CUBN: variants seen among roughly 807,000 people sequenced by gnomAD.
CUBN encodes the protein 460 kDa receptor.
Under a neutral mutation model 405.3 loss-of-function variants are expected in CUBN, and 282 were observed. The observed-to-expected ratio is 0.70, with a 90% CI of 0.63 to 0.77. The LOEUF is 0.77. CUBN is among the 30% of genes least tolerant of loss of function. The pLI is 0.00. For missense variants in CUBN, 4,514 were observed against 4,475.2 expected (o/e 1.01, Z -0.25); for synonymous variants, 1,684 against 1,617.0 (o/e 1.04, Z -0.99).
At chr10:16,863,217 AG>A (rs1840067718) in intron 59 of CUBN, among the ~76,000 whole-genome samples, 1 of 152,256 alleles carries the variant, frequency 6.6e-6, no homozygotes, top group Non-Finnish European at 1.5e-5. Context: ...CCTTGTCTTT[AG>A]GATCATCCCC....
At chr10:17,128,921 A>G (rs1426914218) in intron 2 of CUBN, among the ~76,000 whole-genome samples, 200 bp downstream of exon 2, 1 of 152,240 alleles carries the variant, frequency 6.6e-6, no homozygotes, top group Non-Finnish European at 1.5e-5. Flanking sequence ...CTTAGCATGA[A>G]GAAAAGGTAA....
At chr10:16,908,481 A>T (rs1841620330) in intron 48 of CUBN, among the ~76,000 whole-genome samples, 1 of 152,228 alleles carries the variant, frequency 6.6e-6, no homozygotes, top group Non-Finnish European at 1.5e-5. Flanking sequence ...AGTAATTTGA[A>T]AAATCAATCT....
At chr10:16,835,288 T>C in intron 63 of CUBN, 93 bp from the exon 64 acceptor site, 1 of 1,151,580 alleles carries the variant, frequency 8.7e-7, no homozygotes, top group Admixed American at 1.7e-5. Flanking sequence ...TCATTGCATT[T>C]GATAAACTTT....
At chr10:17,049,911 A>C (rs975562441) in intron 22 of CUBN, among the ~76,000 whole-genome samples, 1 of 152,186 alleles carries the variant, frequency 6.6e-6, no homozygotes, top group Non-Finnish European at 1.5e-5. Flanking sequence ...ACCTTACTAA[A>C]CCTTGGGATA....
intron 22 of CUBN, among the ~76,000 whole-genome samples, chr10:17,047,982 C>T (rs1285539004): frequency 2.0e-5 from 3 of 152,196 alleles, no homozygotes; most frequent in Admixed American, 2.0e-4. Context: ...GTGGTTTTCA[C>T]CAAAGCATGC....
chr10:16,960,652 A>G (rs1468395795), intron 31 of CUBN, among the ~76,000 whole-genome samples: 4 of 152,222 alleles, frequency 2.6e-5, no homozygotes, highest in Non-Finnish European at 5.9e-5. Context: ...CTGGTCTCTA[A>G]AAATTGAGAA....
chr10:16,862,189 C>A (rs930178033), intron 59 of CUBN, among the ~76,000 whole-genome samples: 3 of 151,360 alleles, frequency 2.0e-5, no homozygotes, highest in African/African-American at 7.3e-5. Context: ...CACACACACA[C>A]ACACATCACA....
At chr10:17,025,771 G>T (rs1313052552) in intron 27 of CUBN, among the ~76,000 whole-genome samples, 1 of 152,128 alleles carries the variant, frequency 6.6e-6, no homozygotes, top group Non-Finnish European at 1.5e-5. Context: ...GCCAATCCTC[G>T]CAGTGTGTTG....
At chr10:16,932,973 T>C in intron 40 of CUBN, 114 bp downstream of exon 40, 1 of 1,056,440 alleles carries the variant, frequency 9.5e-7, no homozygotes, top group Non-Finnish European at 1.4e-6. Flanking sequence ...TTGACCATAA[T>C]ATCTGTGTAA....
At chr10:17,056,447 A>C (rs1835398232) in intron 22 of CUBN, among the ~76,000 whole-genome samples, 1 of 152,048 alleles carries the variant, frequency 6.6e-6, no homozygotes, top group South Asian at 2.1e-4. Context: ...GTCTCTACTA[A>C]AAATACAAAA....
chr10:16,947,605 G>A (rs966951863), intron 35 of CUBN, among the ~76,000 whole-genome samples: 7 of 152,150 alleles, frequency 4.6e-5, no homozygotes, highest in South Asian at 2.1e-4. Context: ...TCTCAAAGCC[G>A]TTTCTTCCTG....
At chr10:16,994,118 G>A (rs1339704707) in intron 28 of CUBN, among the ~76,000 whole-genome samples, 4 of 152,086 alleles carry the variant, frequency 2.6e-5, no homozygotes, top group South Asian at 2.1e-4. Flanking sequence ...TGGTAATTAC[G>A]GTAGAAACTT....
intron 34 of CUBN, 122 bp from the exon 35 acceptor site, chr10:16,948,728 G>T (rs994557754): frequency 1.1e-4 from 131 of 1,207,462 alleles, no homozygotes; most frequent in Non-Finnish European, 1.5e-4. Flanking sequence ...ATTGCCACTA[G>T]GAGAACCACT....
At chr10:16,856,530 C>T (rs1174249596) in intron 59 of CUBN, among the ~76,000 whole-genome samples, 5 of 152,154 alleles carry the variant, frequency 3.3e-5, no homozygotes, top group African/African-American at 9.7e-5. Flanking sequence ...CAGAGTGAAG[C>T]TTAAGCCAAG....
chr10:17,032,884 A>G (rs1834815966), intron 27 of CUBN, among the ~76,000 whole-genome samples: 1 of 152,026 alleles, frequency 6.6e-6, no homozygotes, highest in Non-Finnish European at 1.5e-5. Flanking sequence ...CTATATTCTG[A>G]TGTCTCCCTT....
chr10:17,125,731 A>G (rs575920214), intron 4 of CUBN, among the ~76,000 whole-genome samples: 1 of 152,268 alleles, frequency 6.6e-6, no homozygotes, highest in South Asian at 2.1e-4. Flanking sequence ...AAATCATTCA[A>G]CATTCCTCCT....
At chr10:16,963,475 C>T (rs755727130) in intron 31 of CUBN, among the ~76,000 whole-genome samples, 1 of 152,146 alleles carries the variant, frequency 6.6e-6, no homozygotes, top group Non-Finnish European at 1.5e-5. Flanking sequence ...GCATGAGCCA[C>T]TGTGCCCGGC....
chr10:16,983,593 T>C (rs1287048496), intron 30 of CUBN, among the ~76,000 whole-genome samples: 1 of 152,244 alleles, frequency 6.6e-6, no homozygotes, highest in Non-Finnish European at 1.5e-5. Context: ...TGGCTATCTC[T>C]AGTAGTTGCA....
Position 16,940,082 on chromosome 10 carries a change from A to G in CUBN, c.5498T>C (p.Ile1833Thr). Residue 1833 changes from isoleucine to threonine, a missense_variant, in exon 37 of 67, where the codon ATC becomes ACC. Transcript: ENST00000377833. ...IVGHTLWVRFISDGSGSGTGF... is the reference protein window; with the variant it reads ...IVGHTLWVRFTSDGSGSGTGF... ...CGTGCCGCTGCCAGAACCATCTGAG[A>G]TAAATCTGACCCACAGGGTATGTCC... is the stretch of plus-strand genomic sequence containing the variant. 1 of 1,614,144 alleles carries G rather than the reference A, an allele frequency of 6.2e-7. No individual in the cohort carries two copies. Among genetic ancestry groups the G allele is most frequent in the Non-Finnish European group, 8.5e-7 (1 of 1,179,994 alleles).
Sources: gnomAD v4.1 joint callset for allele counts (sites outside exome capture counted in the v4.1 genomes callset) on GRCh38, gnomAD v4.1.1 for gene constraint, MANE v1.5 for transcripts, NCBI Gene and HGNC (gene_info 2026-07-23, HGNC 2026-07-21) for gene names.